The following TIMP3 variants were observed in gnomAD, a reference collection of about 807,000 sequenced individuals.
The protein encoded by TIMP3 is TIMP metallopeptidase inhibitor 3.
In TIMP3, 11 loss-of-function variants were observed where a neutral mutation model predicts 30.0. That is an observed-to-expected ratio of 0.37 (90% confidence interval 0.23 to 0.61). The LOEUF is 0.61. Ranked by LOEUF, TIMP3 falls within the 20% of genes least tolerant of loss-of-function variation. The probability of loss-of-function intolerance (pLI) is 0.70; values close to 1 mark genes in which losing one functional copy is unlikely to be tolerated. For synonymous variants in TIMP3, 112 were observed against 111.3 expected, an observed-to-expected ratio of 1.01 and a Z score of -0.04; for missense variants, 181 against 276.8, an observed-to-expected ratio of 0.65 and a Z score of 2.45.
At chr22:32,840,784 A>T (rs2047876606) in intron 1 of TIMP3, among the ~76,000 whole-genome samples, 1 of 152,116 alleles carries the variant, frequency 6.6e-6, no homozygotes, top group African/African-American at 2.4e-5. Flanking sequence ...CTCCCCTGAG[A>T]TGGACTTCAT....
intron 2 of TIMP3, among the ~76,000 whole-genome samples, chr22:32,852,442 T>C (rs1601542373): frequency 6.6e-6 from 1 of 152,260 alleles, no homozygotes; most frequent in Non-Finnish European, 1.5e-5. Flanking sequence ...GAAAAATCTT[T>C]GTAGGAGGGA....
chr22:32,802,150 C>G, intron 1 of TIMP3, 28 bp downstream of exon 1: 1 of 1,568,930 alleles, frequency 6.4e-7, no homozygotes, highest in Non-Finnish European at 8.6e-7. Context: ...CCCGCCCGAG[C>G]CCCACGCTGC....
intron 2 of TIMP3, among the ~76,000 whole-genome samples, chr22:32,853,546 A>G (rs2048282078): frequency 6.6e-6 from 1 of 152,200 alleles, no homozygotes; most frequent in South Asian, 2.1e-4. Flanking sequence ...AAGGGAAGCT[A>G]ACATCTTGGA....
At chr22:32,833,631 G>A (rs1156331723) in intron 1 of TIMP3, among the ~76,000 whole-genome samples, 1 of 152,186 alleles carries the variant, frequency 6.6e-6, no homozygotes, top group Non-Finnish European at 1.5e-5. Flanking sequence ...TGTCCTTCTG[G>A]AAGGCAGGTA....
At chr22:32,857,185 A>C (rs1369906386) in intron 2 of TIMP3, 64 bp from the exon 3 acceptor site, 3 of 1,239,086 alleles carry the variant, frequency 2.4e-6, no homozygotes, top group Non-Finnish European at 3.6e-6. Context: ...CAGCAGTGGG[A>C]TTAGGGATCA....
intron 1 of TIMP3, among the ~76,000 whole-genome samples, chr22:32,847,465 C>A (rs552519863): frequency 1.3e-5 from 2 of 152,146 alleles, no homozygotes; most frequent in Non-Finnish European, 2.9e-5. Context: ...TTGCCATCGC[C>A]GGCAGGGAAG....
intron 2 of TIMP3, among the ~76,000 whole-genome samples, chr22:32,854,981 C>A (rs2048325052): frequency 2.0e-5 from 3 of 152,152 alleles, no homozygotes. Context: ...AGCTCACAGG[C>A]CAAATGGGAG....
At chr22:32,841,919 T>C (rs1310871121) in intron 1 of TIMP3, among the ~76,000 whole-genome samples, 1 of 152,128 alleles carries the variant, frequency 6.6e-6, no homozygotes, top group African/African-American at 2.4e-5. Context: ...GAGCTGTCAG[T>C]TGTGCAGATG....
intron 1 of TIMP3, among the ~76,000 whole-genome samples, chr22:32,805,596 A>G (rs1450819638): frequency 6.6e-6 from 1 of 151,832 alleles, no homozygotes; most frequent in African/African-American, 2.4e-5. Context: ...GGTTGCACGC[A>G]CTTCCCAAAT....
intron 2 of TIMP3, among the ~76,000 whole-genome samples, chr22:32,855,780 T>C (rs2048346462): frequency 6.6e-6 from 1 of 152,180 alleles, no homozygotes; most frequent in South Asian, 2.1e-4. Flanking sequence ...CATTGCCACA[T>C]GTCCCAAATA....
At chr22:32,811,363 G>A (rs1167861338) in intron 1 of TIMP3, among the ~76,000 whole-genome samples, 1 of 152,216 alleles carries the variant, frequency 6.6e-6, no homozygotes, top group Non-Finnish European at 1.5e-5. Context: ...AGCTCAATAA[G>A]AATAAGCATG....
intron 1 of TIMP3, among the ~76,000 whole-genome samples, chr22:32,817,543 T>C (rs895268044): frequency 6.6e-6 from 1 of 152,062 alleles, no homozygotes; most frequent in Non-Finnish European, 1.5e-5. Flanking sequence ...TCTCCTAGGG[T>C]TGCCAAACAG....
chr22:32,837,873 C>T lies in TIMP3; in HGVS notation c.122-11579C>T, dbSNP rs1349983840. ...GCACCCCTGTACTTTGTTGGACTCT[C>T]TGTTTTCTGTCTCTCCAATGGGCTG... is the stretch of plus-strand genomic sequence containing the variant. On this transcript the variant is annotated intron_variant, in intron 1 of 4. Transcript: ENST00000266085. This position sits in a 1 kb window ranked among gnomAD's most constrained non-coding sequence, Gnocchi z 4.1. Among the ~76,000 whole-genome samples the T allele has an allele frequency of 1.3e-5, 2 of 152,336 alleles. No individual in the cohort carries two copies. Among genetic ancestry groups the T allele is most frequent in the East Asian group, 3.9e-4 (2 of 5,178 alleles).
At chr22:32,843,127 C>T (rs187465723) in intron 1 of TIMP3, among the ~76,000 whole-genome samples, 84 of 152,214 alleles carry the variant, frequency 5.5e-4, no homozygotes, top group African/African-American at 1.8e-3. Context: ...TACAGGCTAC[C>T]TGATCCTCAT....
At chr22:32,834,114 G>A (rs2047659589) in intron 1 of TIMP3, among the ~76,000 whole-genome samples, 1 of 151,790 alleles carries the variant, frequency 6.6e-6, no homozygotes, top group Non-Finnish European at 1.5e-5. Flanking sequence ...GAACATCTAG[G>A]AACAGGGGTT....
chr22:32,851,669 A>G (rs986975890), intron 2 of TIMP3, among the ~76,000 whole-genome samples: 5 of 152,226 alleles, frequency 3.3e-5, no homozygotes, highest in Non-Finnish European at 5.9e-5. Context: ...CAAGCATTTA[A>G]CTAAGGGCAG....
intron 1 of TIMP3, among the ~76,000 whole-genome samples, chr22:32,818,112 C>T (rs545867918): frequency 6.6e-6 from 1 of 152,236 alleles, no homozygotes; most frequent in East Asian, 1.9e-4. Context: ...CAACAAAATC[C>T]CCCCAAAAAG....
Position 32,858,061 on chromosome 22 carries a change from G to A in TIMP3, c.361G>A (p.Val121Met), listed in dbSNP as rs145285380. Residue 121 changes from valine to methionine, a missense_variant, in exon 4 of 5, where the codon GTG becomes ATG. Physicochemically the swap from Val to Met is conservative, Grantham distance 21 (BLOSUM62 1). This residue lies in a region of TIMP3 where 63 missense variants were observed against 133.3 expected (regional missense o/e 0.47). Transcript: ENST00000266085. ...GATGTACACGGGGCTGTGCAACTTCGTGGAGAGGTGGGACCAGCTCACCCT... is the reference window on the plus strand; with the variant it reads ...GATGTACACGGGGCTGTGCAACTTCATGGAGAGGTGGGACCAGCTCACCCT... ...GKMYTGLCNF[V>M]ERWDQLTLSQ... The A allele has an allele frequency of 1.8e-4, 294 of 1,614,172 alleles. 1 individual carries two copies. In the African/African-American group the frequency reaches 3.5e-3, roughly 19 times the overall value.
At chr22:32,824,227 G>A (rs535229729) in intron 1 of TIMP3, among the ~76,000 whole-genome samples, 5 of 145,744 alleles carry the variant, frequency 3.4e-5, no homozygotes, top group African/African-American at 1.3e-4. Context: ...GCAGTGAGAC[G>A]ACACCTCGCC....
Sources: gnomAD v4.1 joint callset for allele counts (sites outside exome capture counted in the v4.1 genomes callset) on GRCh38, gnomAD v4.1.1 for gene constraint, gnomAD v4.1.1 regional missense constraint, Gnocchi (gnomAD v3.1) non-coding constraint, MANE v1.5 for transcripts, NCBI Gene and HGNC (gene_info 2026-07-23, HGNC 2026-07-21) for gene names.